Variants in ST3GAL2 observed in about 807,000 individuals in gnomAD.
ST3GAL2 encodes ST3 beta-galactoside alpha-2,3-sialyltransferase 2.
ST3GAL2 carries 16 observed loss-of-function variants against 37.5 expected under a neutral mutation model. The observed-to-expected ratio is 0.43, with a 90% CI of 0.29 to 0.65. The LOEUF (loss-of-function observed/expected upper bound fraction) is 0.65, where lower values mean the gene tolerates loss of function less well. ST3GAL2 is among the 30% of genes least tolerant of loss of function. The pLI, the probability that ST3GAL2 is intolerant of heterozygous loss-of-function variation, is 0.17. For missense variants in ST3GAL2, 383 were observed against 487.8 expected (o/e 0.79, Z 2.02); for synonymous variants, 238 against 202.9 (o/e 1.17, Z -1.47).
intron 4 of ST3GAL2, among the ~76,000 whole-genome samples, chr16:70,383,631 AAAG>A (rs1362813592): frequency 2.1e-5 from 3 of 141,384 alleles, no homozygotes; most frequent in Non-Finnish European, 4.4e-5. Flanking sequence ...GGAGAAAGGA[AAAG>A]AAGGGAAAGG....
chr16:70,413,441 C>T (rs901053920), intron 1 of ST3GAL2, among the ~76,000 whole-genome samples: 3 of 148,940 alleles, frequency 2.0e-5, no homozygotes, highest in Non-Finnish European at 4.5e-5. Flanking sequence ...GCTGGCCGGG[C>T]GCGGTGGCTC....
In ST3GAL2 at chr16:70,379,861, A is replaced by C. The variant is rs2047383306; in HGVS notation, c.*1828T>G. The stretch of plus-strand genomic sequence containing the variant: ...TGGCCAGGCTGGTCTCGAACTCCTG[A>C]CCTTAAGTATTAAGTAATCCGCCCG... On this transcript the variant is annotated 3_prime_UTR_variant, in exon 7 of 7. Coordinates refer to ENST00000342907, the MANE Select transcript of ST3GAL2 (RefSeq NM_006927.4). 6.6e-6 allele frequency: 1 copy of C among 151,292 alleles called. No individual in the cohort carries two copies. The highest frequency in any genetic ancestry group is 2.4e-5 in the African/African-American group (1 of 41,186). The allele number at this position is 151,292 out of a possible 1,614,324, so 9.4% of individuals were successfully genotyped here.
At chr16:70,425,581 G>A (rs866106307) in intron 1 of ST3GAL2, among the ~76,000 whole-genome samples, 1 of 152,110 alleles carries the variant, frequency 6.6e-6, no homozygotes, top group African/African-American at 2.4e-5. Flanking sequence ...AAAATTGAAC[G>A]TTAGAATGTA....
intron 1 of ST3GAL2, among the ~76,000 whole-genome samples, chr16:70,421,661 T>A (rs2047715568): frequency 1.3e-5 from 2 of 152,052 alleles, no homozygotes; most frequent in African/African-American, 4.8e-5. Context: ...TGTGAGGAGG[T>A]GGGGCCCAGG....
chr16:70,421,631 G>C (rs894876101), intron 1 of ST3GAL2, among the ~76,000 whole-genome samples: 1 of 152,194 alleles, frequency 6.6e-6, no homozygotes, highest in Non-Finnish European at 1.5e-5. Flanking sequence ...CCACATGATG[G>C]TGCTATCAGG....
chr16:70,382,279 G>GT (rs943778715), intron 6 of ST3GAL2, among the ~76,000 whole-genome samples: 72 of 150,740 alleles, frequency 4.8e-4, no homozygotes, highest in African/African-American at 1.4e-3. Context: ...TTCTATTTAT[G>GT]TTTTTTTTTC....
At chr16:70,390,951 C>T (rs1252257309) in intron 3 of ST3GAL2, among the ~76,000 whole-genome samples, 3 of 152,136 alleles carry the variant, frequency 2.0e-5, no homozygotes, top group Non-Finnish European at 2.9e-5. Context: ...GCAGGGTGAC[C>T]GTAACCTGGC....
intron 1 of ST3GAL2, among the ~76,000 whole-genome samples, chr16:70,408,904 A>AAAAAAAAAAAAAAAAAAAAAAG (rs2047614328): frequency 9.0e-6 from 1 of 111,624 alleles, no homozygotes; most frequent in Non-Finnish European, 1.6e-5. Flanking sequence ...AAAAAAAAAA[A>AAAAAAAAAAAAAAAAAAAAAAG]AAAAAAAAAA....
chr16:70,416,425 C>T (rs923653215), intron 1 of ST3GAL2, among the ~76,000 whole-genome samples: 12 of 152,170 alleles, frequency 7.9e-5, no homozygotes, highest in African/African-American at 2.9e-4. Flanking sequence ...ATGTGTCTCT[C>T]ACTTAAAAGA....
intron 1 of ST3GAL2, among the ~76,000 whole-genome samples, chr16:70,431,720 T>C (rs550984962): frequency 6.6e-6 from 1 of 151,048 alleles, no homozygotes; most frequent in Non-Finnish European, 1.5e-5. Flanking sequence ...TCCCAGCACT[T>C]TGGGAGGCCG....
At chr16:70,422,247 C>A (rs2047720119) in intron 1 of ST3GAL2, among the ~76,000 whole-genome samples, 2 of 152,168 alleles carry the variant, frequency 1.3e-5, no homozygotes, top group South Asian at 4.1e-4. Flanking sequence ...GCACTCCCTG[C>A]AAAGATTAAA....
At position 70,405,489 on chromosome 16, in the gene ST3GAL2, C is replaced by T. The variant is rs1258763080; in HGVS notation, c.-1003-5956G>A. ...CCGGGAGGCGGAGCTTGCAGTGAGC[C>T]GAGATTGCGCCACTGCACTCCAGCC... On this transcript the variant is annotated intron_variant, in intron 1 of 6. Coordinates refer to ENST00000342907, the MANE Select transcript of ST3GAL2 (RefSeq NM_006927.4). Among the ~76,000 whole-genome samples the T allele has an allele frequency of 1.7e-4, 24 of 144,912 alleles. 1 individual carries two copies. The highest frequency in any genetic ancestry group is 6.0e-4 in the African/African-American group (23 of 38,460).
chr16:70,388,621 A>C (rs2047459589), intron 3 of ST3GAL2, 75 bp from the exon 4 acceptor site: 2 of 1,493,198 alleles, frequency 1.3e-6, no homozygotes, highest in African/African-American at 2.8e-5. Flanking sequence ...GACAGTTCGA[A>C]GCCATCCATC....
At chr16:70,429,356 G>A (rs1356542452) in intron 1 of ST3GAL2, among the ~76,000 whole-genome samples, 4 of 152,136 alleles carry the variant, frequency 2.6e-5, no homozygotes, top group Non-Finnish European at 5.9e-5. Context: ...CACTTTGGGA[G>A]GCTGAGGTGG....
intron 1 of ST3GAL2, among the ~76,000 whole-genome samples, chr16:70,416,820 G>A (rs1483608037): frequency 6.6e-6 from 1 of 152,012 alleles, no homozygotes; most frequent in African/African-American, 2.4e-5. Context: ...TAAAGCTGAA[G>A]CAGGTGCCTG....
At position 70,378,653 on chromosome 16, in the gene ST3GAL2, G is replaced by A. The variant is rs1406901836; in HGVS notation, c.*3036C>T. The A allele has an allele frequency of 6.7e-6, 1 of 150,368 alleles. No individual in the cohort carries two copies. The highest frequency in any genetic ancestry group is 2.5e-5 in the African/African-American group (1 of 40,650). 9.3% of individuals were successfully genotyped at this position (150,368 alleles called of 1,614,324 possible). ...GGAGGCGGAGCTTGCAATGAGCCGAGATCCCACCACTGCACTCCAGCCTGG... is the reference window on the plus strand; with the variant it reads ...GGAGGCGGAGCTTGCAATGAGCCGAAATCCCACCACTGCACTCCAGCCTGG... On this transcript the variant is annotated 3_prime_UTR_variant, in exon 7 of 7. Coordinates refer to ENST00000342907, the MANE Select transcript of ST3GAL2 (RefSeq NM_006927.4).
intron 1 of ST3GAL2, among the ~76,000 whole-genome samples, chr16:70,437,631 G>A (rs963772399): frequency 2.0e-5 from 3 of 151,870 alleles, no homozygotes; most frequent in Non-Finnish European, 4.4e-5. Flanking sequence ...TGAGATCACC[G>A]CCCACATACT....
At chr16:70,413,748 TAATAAATA>T (rs56300235) in intron 1 of ST3GAL2, among the ~76,000 whole-genome samples, 12,781 of 145,414 alleles carry the variant, frequency 0.088, 1,664 homozygotes, top group African/African-American at 0.29. Context: ...AAAAAGAAAA[TAATAAATA>T]AATAAATAAA....
At chr16:70,381,981 C>T (rs1413187136) in intron 6 of ST3GAL2, 119 bp from the exon 7 acceptor site, 1 of 1,319,284 alleles carries the variant, frequency 7.6e-7, no homozygotes, top group African/African-American at 1.5e-5. Context: ...CAGGAGCCCC[C>T]AGGCCTGGCC....
Sources: gnomAD v4.1 joint callset for allele counts (sites outside exome capture counted in the v4.1 genomes callset) on GRCh38, gnomAD v4.1.1 for gene constraint, MANE v1.5 for transcripts, NCBI Gene and HGNC (gene_info 2026-07-23, HGNC 2026-07-21) for gene names.